Variants in KLHDC1 observed in about 807,000 individuals in gnomAD.
The protein encoded by KLHDC1 is kelch domain-containing protein 1.
Under a neutral mutation model 68.3 loss-of-function variants are expected in KLHDC1, and 53 were observed. The observed-to-expected ratio is 0.78, with a 90% CI of 0.62 to 0.98. KLHDC1 has a LOEUF of 0.98. Ranked by LOEUF, KLHDC1 falls within the 50% of genes least tolerant of loss-of-function variation. The probability of loss-of-function intolerance (pLI) is 0.00; values close to 1 mark genes in which losing one functional copy is unlikely to be tolerated. For synonymous variants in KLHDC1, 148 were observed against 159.0 expected, an observed-to-expected ratio of 0.93 and a Z score of 0.52; for missense variants, 470 against 492.3, an observed-to-expected ratio of 0.95 and a Z score of 0.43.
rs188978981 is a variant in KLHDC1, at chr14:49,714,564, A to C, written c.404+4183A>C. Among the ~76,000 whole-genome samples the C allele has an allele frequency of 5.9e-5, 9 of 152,114 alleles. No individual in the cohort carries two copies. In the East Asian group the frequency reaches 1.7e-3, roughly 29 times the overall value. Reference sequence around the variant, plus strand: ...CAAGGCTGGAGGATCCCTTGAGGACAGGGGTTTGAGATCAGCCTGGGCAAC... The same window carrying C: ...CAAGGCTGGAGGATCCCTTGAGGACCGGGGTTTGAGATCAGCCTGGGCAAC... On this transcript the variant is annotated intron_variant, in intron 4 of 12. Coordinates refer to ENST00000359332, the MANE Select transcript of KLHDC1 (RefSeq NM_172193.3).
At chr14:49,716,341 G>C (rs1888376232) in intron 4 of KLHDC1, among the ~76,000 whole-genome samples, 1 of 151,870 alleles carries the variant, frequency 6.6e-6, no homozygotes, top group Non-Finnish European at 1.5e-5. Context: ...CCTAGGCAAG[G>C]GAATTAAGTG....
At chr14:49,705,025 C>CTAGAAAAAAAAA (rs1480637606) in intron 1 of KLHDC1, among the ~76,000 whole-genome samples, 1 of 152,018 alleles carries the variant, frequency 6.6e-6, no homozygotes, top group Non-Finnish European at 1.5e-5. Context: ...CTATGAGGGC[C>CTAGAAAAAAAAA]TCTAATAGGG....
intron 10 of KLHDC1, among the ~76,000 whole-genome samples, 170 bp downstream of exon 10, chr14:49,734,831 G>A (rs1021550738): frequency 1.3e-5 from 2 of 151,996 alleles, no homozygotes; most frequent in African/African-American, 4.8e-5. Flanking sequence ...AATTATATCT[G>A]ATTGTTAGAA....
chr14:49,701,886 T>C (rs1006444411), intron 1 of KLHDC1, among the ~76,000 whole-genome samples: 1 of 147,628 alleles, frequency 6.8e-6, no homozygotes. Flanking sequence ...ATACAAAAAT[T>C]AGCCGGGCGT....
chr14:49,738,549 C>T (rs1888987436), intron 10 of KLHDC1, among the ~76,000 whole-genome samples: 1 of 151,984 alleles, frequency 6.6e-6, no homozygotes. Context: ...GGGGTTTCAC[C>T]ATGTTGGCCA....
At chr14:49,738,304 G>T (rs1888979613) in intron 10 of KLHDC1, among the ~76,000 whole-genome samples, 1 of 146,308 alleles carries the variant, frequency 6.8e-6, no homozygotes, top group South Asian at 2.2e-4. Flanking sequence ...ATATTATGTT[G>T]TTTTTTTCAT....
intron 1 of KLHDC1, among the ~76,000 whole-genome samples, chr14:49,695,116 A>ATGTG (rs71115393): frequency 0.047 from 6,711 of 142,136 alleles, 181 homozygotes; most frequent in East Asian, 0.12. Flanking sequence ...TGCAGTTTTG[A>ATGTG]TGTGTGTGTG....
intron 1 of KLHDC1, among the ~76,000 whole-genome samples, chr14:49,695,141 T>TGTGTGTGC (rs1887700369): frequency 1.3e-5 from 2 of 151,796 alleles, no homozygotes; most frequent in Admixed American, 1.3e-4. Flanking sequence ...TGTGTGTGTG[T>TGTGTGTGC]GTGTGTGTTT....
At chr14:49,715,523 G>A (rs1041911129) in intron 4 of KLHDC1, among the ~76,000 whole-genome samples, 1 of 151,120 alleles carries the variant, frequency 6.6e-6, no homozygotes, top group East Asian at 1.9e-4. Context: ...AAGGCGGGCA[G>A]ATTACTTGAG....
At chr14:49,747,986 GA>G (rs1236400572) in intron 12 of KLHDC1, among the ~76,000 whole-genome samples, 1 of 152,038 alleles carries the variant, frequency 6.6e-6, no homozygotes, top group African/African-American at 2.4e-5. Flanking sequence ...GGATACAAAA[GA>G]AAGTTAAAAC....
At chr14:49,745,240 G>A (rs1298340029) in intron 12 of KLHDC1, among the ~76,000 whole-genome samples, 1 of 152,162 alleles carries the variant, frequency 6.6e-6, no homozygotes, top group Non-Finnish European at 1.5e-5. Context: ...CCTTTCTGAC[G>A]TCTTTCTTAA....
At position 49,716,148 on chromosome 14, in the gene KLHDC1, C is replaced by T. The variant is rs187955268; in HGVS notation, c.404+5767C>T. ...ATAGGACTGAACTCTGTCTCTGAAC[C>T]TAGCATAGGCTCGTATAAAGGGAGT... is the stretch of plus-strand genomic sequence containing the variant. On this transcript the variant is annotated intron_variant, in intron 4 of 12. Transcript: ENST00000359332. Among the ~76,000 whole-genome samples the T allele has an allele frequency of 1.4e-3, 210 of 152,254 alleles. 1 individual carries two copies. The highest frequency in any genetic ancestry group is 3.3e-3 in the Admixed American group (51 of 15,278).
chr14:49,746,533 A>C (rs1889203467), intron 12 of KLHDC1, among the ~76,000 whole-genome samples: 1 of 152,220 alleles, frequency 6.6e-6, no homozygotes, highest in African/African-American at 2.4e-5. Flanking sequence ...GAGATCCTAG[A>C]ACATTTGGAT....
rs1459814199 is a variant in KLHDC1 at position 49,715,781 on chromosome 14, T to TATAA, written c.404+5401_404+5402insTAAA. 2.8e-5 allele frequency among the ~76,000 whole-genome samples: 4 copies of TATAA among 141,036 alleles called. No individual in the cohort carries two copies. The East Asian group carries it at 6.1e-4, about 22-fold the overall frequency. 92.5% of individuals were successfully genotyped at this position (141,036 alleles called of 152,430 possible). On this transcript the variant is annotated intron_variant, in intron 4 of 12. Transcript: ENST00000359332. ...AAAAAAAAAAATATATATATATATA[T>TATAA]AATAAAAGATAAAACATAGCCTTAC...
chr14:49,730,361 A>G (rs545601692), intron 8 of KLHDC1, among the ~76,000 whole-genome samples: 1 of 151,702 alleles, frequency 6.6e-6, no homozygotes, highest in African/African-American at 2.4e-5. Flanking sequence ...AGCTGGGACT[A>G]CAGGCGCGCA....
intron 1 of KLHDC1, among the ~76,000 whole-genome samples, chr14:49,701,588 G>A (rs1887906943): frequency 6.6e-6 from 1 of 152,030 alleles, no homozygotes; most frequent in African/African-American, 2.4e-5. Context: ...GAACCCGGAG[G>A]GTGGAGGTTG....
At chr14:49,717,110 A>C (rs973001822) in intron 4 of KLHDC1, among the ~76,000 whole-genome samples, 13 of 152,082 alleles carry the variant, frequency 8.5e-5, no homozygotes, top group Non-Finnish European at 1.5e-5. Flanking sequence ...TTAGCCATTT[A>C]TATGTTGGTA....
chr14:49,699,877 G>A (rs1454208398), intron 1 of KLHDC1, among the ~76,000 whole-genome samples: 2 of 152,102 alleles, frequency 1.3e-5, no homozygotes, highest in African/African-American at 2.4e-5. Flanking sequence ...CTACTGCAAG[G>A]AACATTAAAA....
chr14:49,737,235 A>T (rs1027025976), intron 10 of KLHDC1, among the ~76,000 whole-genome samples: 4 of 152,142 alleles, frequency 2.6e-5, no homozygotes, highest in African/African-American at 4.8e-5. Flanking sequence ...CTTGTTGAAG[A>T]TTTATATCAA....
Sources: gnomAD v4.1 joint callset for allele counts (sites outside exome capture counted in the v4.1 genomes callset) on GRCh38, gnomAD v4.1.1 for gene constraint, MANE v1.5 for transcripts, NCBI Gene and HGNC (gene_info 2026-07-23, HGNC 2026-07-21) for gene names.